Variants in DGKH observed in about 807,000 individuals in gnomAD.
The protein encoded by DGKH is DAG kinase eta.
In DGKH, 90 loss-of-function variants were observed where a neutral mutation model predicts 159.3. The ratio of observed to expected loss-of-function variants is 0.57; its 90% CI spans 0.48 to 0.67. The LOEUF is 0.67. Among genes scored for constraint, DGKH ranks in the 30% least tolerant of loss-of-function variants. The pLI, the probability that DGKH is intolerant of heterozygous loss-of-function variation, is 0.00. For synonymous variants in DGKH, 536 were observed against 553.8 expected, an observed-to-expected ratio of 0.97 and a Z score of 0.45; for missense variants, 1,181 against 1,506.1, an observed-to-expected ratio of 0.78 and a Z score of 3.57.
intron 3 of DGKH, among the ~76,000 whole-genome samples, chr13:42,139,709 G>A (rs1448612120): frequency 6.6e-6 from 1 of 152,020 alleles, no homozygotes; most frequent in Non-Finnish European, 1.5e-5. Flanking sequence ...AATATTTATC[G>A]AAGAGTTCAT....
chr13:42,081,522 G>A (rs556942922), intron 1 of DGKH, among the ~76,000 whole-genome samples: 18 of 152,280 alleles, frequency 1.2e-4, no homozygotes, highest in East Asian at 5.8e-4. Context: ...GAGCTACTGC[G>A]CCTGGCCTTT....
intron 28 of DGKH, among the ~76,000 whole-genome samples, chr13:42,220,434 G>T (rs977567517): frequency 6.6e-6 from 1 of 152,082 alleles, no homozygotes; most frequent in Non-Finnish European, 1.5e-5. Context: ...AGGTATGCTA[G>T]TACTAAAGCA....
At chr13:42,173,127 A>T (rs959109402) in intron 11 of DGKH, among the ~76,000 whole-genome samples, 2 of 152,140 alleles carry the variant, frequency 1.3e-5, no homozygotes, top group Non-Finnish European at 2.9e-5. Flanking sequence ...GCACAGCACC[A>T]TGCCAGGCTA....
At chr13:42,075,101 G>A (rs1393482951) in intron 1 of DGKH, among the ~76,000 whole-genome samples, 2 of 152,138 alleles carry the variant, frequency 1.3e-5, no homozygotes, top group Non-Finnish European at 2.9e-5. Flanking sequence ...CATTCATATG[G>A]TTGGATTGTT....
intron 17 of DGKH, among the ~76,000 whole-genome samples, chr13:42,197,534 G>A (rs1957232184): frequency 1.3e-5 from 2 of 151,970 alleles, no homozygotes; most frequent in Admixed American, 1.3e-4. Flanking sequence ...TAGTGCTGAG[G>A]AAAGGAATGT....
chr13:42,210,718 G>C lies in DGKH; in HGVS notation c.2967G>C (p.Val989=), dbSNP rs748836862. The change falls in exon 24 of 30, where the codon GTG becomes GTC. Residue 989 remains valine, a synonymous_variant. Coordinates refer to ENST00000337343, the MANE Select transcript of DGKH (RefSeq NM_178009.5). ...CCATTGACTTGGCAACAGAAGAGGT[G>C]TCGCAGATGCAGCTATGCTCCCAGG... ...HHAIDLATEE[V]SQMQLCSQAA... The C allele has an allele frequency of 3.7e-6, 6 of 1,612,336 alleles. No individual in the cohort carries two copies. In the Admixed American group the frequency reaches 1.0e-4, roughly 27 times the overall value.
chr13:42,186,095 A>G (rs147336490), intron 13 of DGKH, among the ~76,000 whole-genome samples: 1 of 152,032 alleles, frequency 6.6e-6, no homozygotes, highest in Non-Finnish European at 1.5e-5. Context: ...ATACTGAAGT[A>G]TATGGAAATT....
At chr13:42,118,981 A>G (rs577988246) in intron 1 of DGKH, among the ~76,000 whole-genome samples, 207 of 152,366 alleles carry the variant, frequency 1.4e-3, no homozygotes, top group Middle Eastern at 3.4e-3. Context: ...TGCCTTAAAC[A>G]GAACTTTACA....
At chr13:42,047,481 G>A (rs1880870460), upstream of DGKH, among the ~76,000 whole-genome samples, 2 of 152,210 alleles carry the variant, frequency 1.3e-5, no homozygotes, top group African/African-American at 4.8e-5. Context: ...GGGACTTTTT[G>A]TCCTATTTAA....
chr13:42,181,194 G>A (rs528894312), intron 13 of DGKH, among the ~76,000 whole-genome samples: 3 of 147,902 alleles, frequency 2.0e-5, no homozygotes, highest in South Asian at 2.1e-4. Context: ...GGAGAATGGC[G>A]TGAACCCGGG....
At chr13:42,080,457 G>A (rs900403276) in intron 1 of DGKH, among the ~76,000 whole-genome samples, 3 of 152,064 alleles carry the variant, frequency 2.0e-5, no homozygotes, top group East Asian at 1.9e-4. Flanking sequence ...TCATACCTAG[G>A]CCGTATTCTA....
intron 1 of DGKH, 128 bp downstream of exon 1, chr13:42,049,093 A>C (rs1881033996): frequency 5.3e-6 from 1 of 189,176 alleles, no homozygotes. Flanking sequence ...AAGGCGGGGA[A>C]GGCGGGGAAG....
intron 13 of DGKH, among the ~76,000 whole-genome samples, chr13:42,184,545 A>G (rs925763510): frequency 6.6e-6 from 1 of 152,138 alleles, no homozygotes; most frequent in Non-Finnish European, 1.5e-5. Flanking sequence ...AAAATTAAGG[A>G]AATAAAATGT....
At chr13:42,207,042 C>CTTTCTTTTTCTTTCT (rs1566191928) in intron 21 of DGKH, among the ~76,000 whole-genome samples, 1 of 38,076 alleles carries the variant, frequency 2.6e-5, no homozygotes, top group Non-Finnish European at 5.6e-5. Context: ...TCTTTCTTTC[C>CTTTCTTTTTCTTTCT]TTCTTTCCTT....
At chr13:42,075,340 A>G (rs1251256522) in intron 1 of DGKH, among the ~76,000 whole-genome samples, 2 of 152,186 alleles carry the variant, frequency 1.3e-5, no homozygotes, top group Admixed American at 6.5e-5. Context: ...TCACTGTTCT[A>G]AAGTGAAAGA....
At chr13:42,051,154 A>G (rs995824119) in intron 1 of DGKH, among the ~76,000 whole-genome samples, 1 of 152,236 alleles carries the variant, frequency 6.6e-6, no homozygotes, top group Non-Finnish European at 1.5e-5. Context: ...TCTAATAAAA[A>G]CATTTAGCAC....
chr13:42,121,066 T>TACACACACAC (rs377628213), intron 1 of DGKH, among the ~76,000 whole-genome samples: 2,870 of 144,770 alleles, frequency 0.02, 60 homozygotes, highest in African/African-American at 0.052. Flanking sequence ...ATATATATTA[T>TACACACACAC]ACACACACAC....
intron 1 of DGKH, among the ~76,000 whole-genome samples, chr13:42,081,421 G>C (rs1019741217): frequency 1.3e-5 from 2 of 152,096 alleles, no homozygotes; most frequent in African/African-American, 2.4e-5. Flanking sequence ...ACAGAGACAG[G>C]GTTTCACCAT....
At chr13:42,227,766 A>T (rs1271870285) in intron 29 of DGKH, among the ~76,000 whole-genome samples, 3 of 152,210 alleles carry the variant, frequency 2.0e-5, no homozygotes, top group African/African-American at 7.2e-5. Flanking sequence ...TTCCAGAAGG[A>T]TTCATTACTG....
Sources: allele counts gnomAD v4.1 joint callset (sites outside exome capture counted in the v4.1 genomes callset), GRCh38; gene constraint gnomAD v4.1.1; transcripts MANE v1.5; gene names NCBI Gene and HGNC (gene_info 2026-07-23, HGNC 2026-07-21).